Variants in SERF2 observed in about 807,000 individuals in gnomAD.
SERF2 encodes the protein gastric cancer-related protein VRG107.
SERF2 carries 4 observed loss-of-function variants against 10.7 expected under a neutral mutation model. The ratio of observed to expected loss-of-function variants is 0.37; its 90% CI spans 0.18 to 0.86. SERF2 has a LOEUF of 0.86. Ranked by LOEUF, SERF2 falls within the 40% of genes least tolerant of loss-of-function variation. The pLI, the probability that SERF2 is intolerant of heterozygous loss-of-function variation, is 0.43. For synonymous variants in SERF2, 26 were observed against 26.0 expected, an observed-to-expected ratio of 1.00 and a Z score of 0.01; for missense variants, 47 against 79.1, an observed-to-expected ratio of 0.59 and a Z score of 1.54.
chr15:43,785,234 A>G (rs889812623), intron 1 of SERF2, among the ~76,000 whole-genome samples: 1 of 148,594 alleles, frequency 6.7e-6, no homozygotes, highest in Non-Finnish European at 1.5e-5. Flanking sequence ...ACACCCGGCT[A>G]ATTTTTGTAT....
In SERF2 at chr15:43,795,629, G is replaced by T. The variant is rs149510309; in HGVS notation, c.*1856G>T. ...ACTACCTTTGTTAAGGCTCTTGAGG[G>T]TTCTTATGGCACTCCACAGAGATCT... is the stretch of plus-strand genomic sequence containing the variant. On this transcript the variant is annotated 3_prime_UTR_variant, in exon 3 of 3. Coordinates refer to ENST00000249786, the MANE Select transcript of SERF2 (RefSeq NM_001018108.4). The T allele has an allele frequency of 4.3e-4, 690 of 1,598,276 alleles. 6 individuals are homozygous for T. In the African/African-American group the frequency reaches 8.4e-3, roughly 19 times the overall value.
intron 1 of SERF2, chr15:43,777,949 ATAAAAAAAAAATACATT>A (rs1304171061): frequency 7.1e-6 from 1 of 140,994 alleles, no homozygotes; most frequent in Non-Finnish European, 1.5e-5. Context: ...GTCAAAACTC[ATAAAAAAAAAATACATT>A]TTTTTTTTTT....
chr15:43,777,236 T>G, exon 1 of SERF2: 1 of 498,210 alleles, frequency 2.0e-6, no homozygotes, highest in Admixed American at 2.5e-5. Flanking sequence ...TCCCCAGTCC[T>G]GCCTTAGTTT....
chr15:43,792,300 C>A, upstream of SERF2: 1 of 1,277,404 alleles, frequency 7.8e-7, no homozygotes, highest in Non-Finnish European at 1.1e-6. Context: ...TGCTACGTTG[C>A]CAGAAGGGGC....
rs907349334 is a variant in SERF2 at position 43,793,407 on chromosome 15, C to G, written c.117-303C>G. The G allele has an allele frequency of 1.2e-5, 8 of 661,444 alleles. No homozygotes were observed. The South Asian group carries it at 1.5e-4, about 13-fold the overall frequency. The allele number at this position is 661,444 out of a possible 1,614,324, so 41.0% of individuals were successfully genotyped here. A position where few individuals can be genotyped will look rare whatever the true frequency, so the allele number is the denominator to read the frequency against. ...AGTACTTTTGGCCCTCCTTGCTGTT[C>G]GGTTCTCCTCCCTTCTCCCAACCTC... On this transcript the variant is annotated intron_variant, in intron 2 of 2. Transcript: ENST00000249786.
Position 43,794,904 on chromosome 15 carries a change from C to T in SERF2, c.*1131C>T. The T allele has an allele frequency of 1.1e-6, 1 of 916,728 alleles. No homozygotes were observed. Among genetic ancestry groups the T allele is most frequent in the Non-Finnish European group, 1.7e-6 (1 of 596,362 alleles). The allele number at this position is 916,728 out of a possible 1,614,324, so 56.8% of individuals were successfully genotyped here. A position where few individuals can be genotyped will look rare whatever the true frequency, so the allele number is the denominator to read the frequency against. ...CTTCAGCCCAAACGGAGATAACTCC[C>T]TGTGTGTCCTTGAGGTATTGAGCTG... On this transcript the variant is annotated 3_prime_UTR_variant, in exon 3 of 3. Transcript: ENST00000249786.
Position 43,792,382 on chromosome 15 carries a change from C to T in SERF2, c.6C>T (p.Thr2=), listed in dbSNP as rs2087080179. 2.5e-6 allele frequency: 4 copies of T among 1,613,764 alleles called. No individual in the cohort carries two copies. Among genetic ancestry groups the T allele is most frequent in the East Asian group, 2.2e-5 (1 of 44,870 alleles). M[T]RGNQRELARQ... Reference sequence around the variant, plus strand: ...TTGGAGCCGCTGCCGTCGCCATGACCCGTGAGCACCGAGCCCCCTTCTCCT... The same window carrying T: ...TTGGAGCCGCTGCCGTCGCCATGACTCGTGAGCACCGAGCCCCCTTCTCCT... The change falls in exon 1 of 3, where the codon ACC becomes ACT. Residue 2 remains threonine, a splice_region_variant and synonymous_variant. Coordinates refer to ENST00000249786, the MANE Select transcript of SERF2 (RefSeq NM_001018108.4).
Position 43,792,363 on chromosome 15 carries a change from C to A in SERF2, c.-14C>A, listed in dbSNP as rs2087079111. On this transcript the variant is annotated 5_prime_UTR_variant, in exon 1 of 3. Coordinates refer to ENST00000249786, the MANE Select transcript of SERF2 (RefSeq NM_001018108.4). ...GGGACGTAACGGAGGCAGGTTGGAG[C>A]CGCTGCCGTCGCCATGACCCGTGAG... 6.2e-7 allele frequency: 1 copy of A among 1,606,842 alleles called. No individual in the cohort carries two copies. The highest frequency in any genetic ancestry group is 8.5e-7 in the Non-Finnish European group (1 of 1,173,424).
intron 1 of SERF2, among the ~76,000 whole-genome samples, chr15:43,782,493 C>T (rs11638972): frequency 6.6e-6 from 1 of 151,948 alleles, no homozygotes; most frequent in East Asian, 1.9e-4. Flanking sequence ...TAACTCTCCT[C>T]TTAGTATAAC....
rs2087206468 is a variant in SERF2 at position 43,795,988 on chromosome 15, G to A, written c.*2215G>A. ...GGTTGTTGTGAGGGTTAAATTAAAT[G>A]AGATTATGTAAAAGTATCTAGCACA... On this transcript the variant is annotated 3_prime_UTR_variant, in exon 3 of 3. Transcript: ENST00000249786. The A allele has an allele frequency of 1.5e-6, 1 of 657,726 alleles. No individual in the cohort carries two copies. Among genetic ancestry groups the A allele is most frequent in the Admixed American group, 2.9e-5 (1 of 34,648 alleles). The allele number at this position is 657,726 out of a possible 1,614,324, so 40.7% of individuals were successfully genotyped here. A position where few individuals can be genotyped will look rare whatever the true frequency, so the allele number is the denominator to read the frequency against.
At chr15:43,787,398 G>T (rs1596035510), upstream of SERF2, among the ~76,000 whole-genome samples, 2 of 151,938 alleles carry the variant, frequency 1.3e-5, no homozygotes, top group South Asian at 2.1e-4. Context: ...TGGAGGGGAA[G>T]AATTTTTTTA....
At chr15:43,792,053 C>A, upstream of SERF2, 2 of 502,024 alleles carry the variant, frequency 4.0e-6, no homozygotes, top group South Asian at 4.5e-5. Context: ...CGCGGGAGCG[C>A]CACATCGCCA....
chr15:43,788,740 CCCT>C (rs572770873), upstream of SERF2, among the ~76,000 whole-genome samples: 310 of 152,320 alleles, frequency 2.0e-3, no homozygotes, highest in African/African-American at 7.3e-3. Flanking sequence ...TCAGCTCCAC[CCCT>C]TATTATCTCA....
In SERF2 at chr15:43,793,921, GCTTC is replaced by G. The variant is rs750114075; in HGVS notation, c.*154_*157del. ...TGAGTCTGCAGCGGGTCCCTTTTGT[GCTTC>G]CTTCCCCTCAGGTAGCCTCTCTCCC... On this transcript the variant is annotated 3_prime_UTR_variant, in exon 3 of 3. Transcript: ENST00000249786. 3.8e-6 allele frequency: 6 copies of G among 1,568,090 alleles called. No homozygotes were observed. Among genetic ancestry groups the G allele is most frequent in the Middle Eastern group, 1.7e-4 (1 of 6,006 alleles).
Position 43,792,364 on chromosome 15 carries a change from C to A in SERF2, c.-13C>A, listed in dbSNP as rs754705256. ...GGACGTAACGGAGGCAGGTTGGAGC[C>A]GCTGCCGTCGCCATGACCCGTGAGC... On this transcript the variant is annotated 5_prime_UTR_variant, in exon 1 of 3. Transcript: ENST00000249786. 1.9e-6 allele frequency: 3 copies of A among 1,608,514 alleles called. No individual in the cohort carries two copies. The highest frequency in any genetic ancestry group is 2.2e-5 in the East Asian group (1 of 44,832).
upstream of SERF2, chr15:43,792,152 C>T (rs1596038750): frequency 6.7e-6 from 4 of 600,696 alleles, no homozygotes; most frequent in Non-Finnish European, 9.0e-6. Context: ...AGCCCCGCCC[C>T]ACGCTGAGCG....
Position 43,794,901 on chromosome 15 carries a change from T to A in SERF2, c.*1128T>A. On this transcript the variant is annotated 3_prime_UTR_variant, in exon 3 of 3. Coordinates refer to ENST00000249786, the MANE Select transcript of SERF2 (RefSeq NM_001018108.4). The stretch of plus-strand genomic sequence containing the variant: ...TGACTTCAGCCCAAACGGAGATAAC[T>A]CCCTGTGTGTCCTTGAGGTATTGAG... 2 of 893,724 alleles carry A rather than the reference T, an allele frequency of 2.2e-6. No individual in the cohort carries two copies. The highest frequency in any genetic ancestry group is 3.5e-6 in the Non-Finnish European group (2 of 576,016). 55.4% of individuals were successfully genotyped at this position (893,724 alleles called of 1,614,324 possible).
At position 43,795,051 on chromosome 15, in the gene SERF2, C is replaced by T. The variant is rs2087172098; in HGVS notation, c.*1278C>T. 28 of 1,612,926 alleles carry T rather than the reference C, an allele frequency of 1.7e-5. No individual in the cohort carries two copies. The highest frequency in any genetic ancestry group is 2.4e-5 in the Non-Finnish European group (28 of 1,179,966). The stretch of plus-strand genomic sequence containing the variant: ...GGGATATGATGCGGTGGCGGCGGCG[C>T]CTCAAGATAAGGGGCTGGGGTTTCT... On this transcript the variant is annotated 3_prime_UTR_variant, in exon 3 of 3. Coordinates refer to ENST00000249786, the MANE Select transcript of SERF2 (RefSeq NM_001018108.4).
chr15:43,792,326 C>A lies in SERF2; in HGVS notation c.-51C>A, dbSNP rs1297028545. 8.7e-6 allele frequency: 13 copies of A among 1,490,336 alleles called. No homozygotes were observed. The East Asian group carries it at 9.1e-5, about 10-fold the overall frequency. 92.3% of individuals were successfully genotyped at this position (1,490,336 alleles called of 1,614,324 possible). On this transcript the variant is annotated 5_prime_UTR_variant, in exon 1 of 3. Transcript: ENST00000249786. The stretch of plus-strand genomic sequence containing the variant: ...CAGAAGGGGCGGGACCTGCAACGTC[C>A]GACAGAACGAGGGGACGTAACGGAG...
Sources: gnomAD v4.1 joint callset for allele counts (sites outside exome capture counted in the v4.1 genomes callset) on GRCh38, gnomAD v4.1.1 for gene constraint, MANE v1.5 for transcripts, NCBI Gene and HGNC (gene_info 2026-07-23, HGNC 2026-07-21) for gene names.